Variants in ARHGEF3 observed in about 807,000 individuals in gnomAD.
ARHGEF3 encodes Rho guanine nucleotide exchange factor 3.
In ARHGEF3, 28 loss-of-function variants were observed where a neutral mutation model predicts 63.2. That is an observed-to-expected ratio of 0.44 (90% CI 0.33 to 0.61). The LOEUF (loss-of-function observed/expected upper bound fraction) is 0.61, where lower values mean the gene tolerates loss of function less well. Ranked by LOEUF, ARHGEF3 falls within the 20% of genes least tolerant of loss-of-function variation. ARHGEF3 has a pLI of 0.03. For missense variants in ARHGEF3, 533 were observed against 659.3 expected (o/e 0.81, Z 2.10); for synonymous variants, 266 against 254.2 (o/e 1.05, Z -0.44).
chr3:56,910,758 T>C (rs1207408632), intron 3 of ARHGEF3, among the ~76,000 whole-genome samples: 1 of 152,210 alleles, frequency 6.6e-6, no homozygotes, highest in Admixed American at 6.5e-5. Flanking sequence ...GAAACACTGA[T>C]CTATTTCAAG....
At chr3:56,778,970 A>G (rs1410248268) in intron 1 of ARHGEF3, among the ~76,000 whole-genome samples, 1 of 152,156 alleles carries the variant, frequency 6.6e-6, no homozygotes, top group Admixed American at 6.5e-5. Flanking sequence ...CTGACCAGTC[A>G]TGTCCTGGTC....
intron 5 of ARHGEF3, 73 bp from the exon 6 acceptor site, chr3:56,751,205 T>G: frequency 6.4e-7 from 1 of 1,559,276 alleles, no homozygotes; most frequent in Non-Finnish European, 8.8e-7. Flanking sequence ...GGTTCTGGGT[T>G]ATTCACATTG....
Position 56,785,246 on chromosome 3 carries a change from G to C in ARHGEF3, c.97-11430C>G, listed in dbSNP as rs181135493. Among the ~76,000 whole-genome samples, 319 of 152,218 alleles carry C rather than the reference G, an allele frequency of 2.1e-3. 2 individuals are homozygous for C. Among genetic ancestry groups the C allele is most frequent in the African/African-American group, 7.4e-3 (306 of 41,532 alleles). ...TTCCTGTGGTTTTATCATCTGTTTA[G>C]TCAAGCTCTGGCTGGATACGGCAAA... On this transcript the variant is annotated intron_variant, in intron 1 of 9. Coordinates refer to ENST00000296315, the MANE Select transcript of ARHGEF3 (RefSeq NM_019555.3).
chr3:56,873,412 G>C (rs1200952911), intron 4 of ARHGEF3, among the ~76,000 whole-genome samples: 1 of 151,958 alleles, frequency 6.6e-6, no homozygotes, highest in African/African-American at 2.4e-5. Context: ...TAGGGCCCAA[G>C]TGTGTGTTGT....
intron 3 of ARHGEF3, among the ~76,000 whole-genome samples, chr3:56,951,657 G>A (rs12637879): frequency 0.12 from 17,624 of 151,684 alleles, 1,310 homozygotes; most frequent in East Asian, 0.25. Context: ...AATTTGACTC[G>A]GATTACTGGT....
chr3:57,040,506 C>T (rs1243081579), intron 1 of ARHGEF3, among the ~76,000 whole-genome samples: 1 of 122,562 alleles, frequency 8.2e-6, no homozygotes, highest in African/African-American at 2.9e-5. Flanking sequence ...AAAGAAAATA[C>T]CAAAACAGGT....
At chr3:56,941,814 A>G (rs1699203223) in intron 3 of ARHGEF3, among the ~76,000 whole-genome samples, 1 of 152,198 alleles carries the variant, frequency 6.6e-6, no homozygotes, top group South Asian at 2.1e-4. Flanking sequence ...AGAAGGGATC[A>G]CTTTAGTTTT....
intron 4 of ARHGEF3, among the ~76,000 whole-genome samples, chr3:56,809,704 T>C (rs2037994633): frequency 6.6e-6 from 1 of 151,976 alleles, no homozygotes; most frequent in Non-Finnish European, 1.5e-5. Context: ...AAATATGTTA[T>C]ATTTAATTTT....
At chr3:56,874,262 C>A (rs2040518508) in intron 4 of ARHGEF3, among the ~76,000 whole-genome samples, 1 of 152,118 alleles carries the variant, frequency 6.6e-6, no homozygotes, top group Non-Finnish European at 1.5e-5. Context: ...AAAATGCCAA[C>A]AGGTTAAATA....
At chr3:56,784,479 C>T (rs1367075541) in intron 1 of ARHGEF3, among the ~76,000 whole-genome samples, 1 of 152,168 alleles carries the variant, frequency 6.6e-6, no homozygotes, top group Non-Finnish European at 1.5e-5. Context: ...TGGTCACAGC[C>T]ACGGGGTCCA....
At chr3:56,783,868 C>T (rs2036673138) in intron 1 of ARHGEF3, among the ~76,000 whole-genome samples, 1 of 152,128 alleles carries the variant, frequency 6.6e-6, no homozygotes, top group African/African-American at 2.4e-5. Context: ...GTTAAATTGG[C>T]CCAAGATTAA....
chr3:56,789,734 T>C (rs1289367072), intron 1 of ARHGEF3, among the ~76,000 whole-genome samples: 3 of 152,226 alleles, frequency 2.0e-5, no homozygotes, highest in Non-Finnish European at 4.4e-5. Context: ...AATTAGTCAT[T>C]TTTTACTTAA....
chr3:56,905,928 G>A (rs1242124141), intron 3 of ARHGEF3, among the ~76,000 whole-genome samples: 1 of 151,784 alleles, frequency 6.6e-6, no homozygotes, highest in Non-Finnish European at 1.5e-5. Flanking sequence ...GAAGTGGCAC[G>A]ATCTCAGCTC....
intron 3 of ARHGEF3, among the ~76,000 whole-genome samples, chr3:56,942,096 C>T (rs1699216060): frequency 6.6e-6 from 1 of 152,304 alleles, no homozygotes; most frequent in Non-Finnish European, 1.5e-5. Flanking sequence ...TGATTACTTG[C>T]AAAGTACTAG....
chr3:56,736,088 A>AC, intron 8 of ARHGEF3, among the ~76,000 whole-genome samples: 1 of 144,538 alleles, frequency 6.9e-6, no homozygotes, highest in African/African-American at 2.6e-5. Flanking sequence ...ACACACACAC[A>AC]AATTTCTACT....
At chr3:56,991,178 C>T (rs1000464092) in intron 2 of ARHGEF3, among the ~76,000 whole-genome samples, 7 of 152,144 alleles carry the variant, frequency 4.6e-5, no homozygotes, top group African/African-American at 1.7e-4. Flanking sequence ...CCCCAGACTC[C>T]TCCAGCATGA....
rs1007769759 is a variant in ARHGEF3, at chr3:56,852,658, G to GA, written c.192+29633dup. 1.0e-3 allele frequency among the ~76,000 whole-genome samples: 148 copies of GA among 146,806 alleles called. 1 individual carries two copies. The highest frequency in any genetic ancestry group is 2.8e-3 in the African/African-American group (113 of 40,062). On this transcript the variant is annotated intron_variant, in intron 4 of 12. Transcript: ENST00000338458. Reference sequence around the variant, plus strand: ...TTCTCTTTTGTTTCATGGGATTAAAGAAAAAAAAAACCTACCGAATTGTCA... The same window carrying GA: ...TTCTCTTTTGTTTCATGGGATTAAAGAAAAAAAAAAACCTACCGAATTGTCA...
chr3:56,926,345 C>T (rs1404100396), intron 3 of ARHGEF3, among the ~76,000 whole-genome samples: 1 of 152,200 alleles, frequency 6.6e-6, no homozygotes, highest in East Asian at 1.9e-4. Flanking sequence ...GTTCCAACTC[C>T]ACCCTGCAGG....
chr3:56,845,192 G>C (rs2039446688), intron 4 of ARHGEF3, among the ~76,000 whole-genome samples: 2 of 152,218 alleles, frequency 1.3e-5, no homozygotes, highest in Admixed American at 6.5e-5. Flanking sequence ...TCAAACCTCA[G>C]ATGAGACCAT....
Sources: allele counts gnomAD v4.1 joint callset (sites outside exome capture counted in the v4.1 genomes callset), GRCh38; gene constraint gnomAD v4.1.1; transcripts MANE v1.5; gene names NCBI Gene and HGNC (gene_info 2026-07-23, HGNC 2026-07-21).